The following MYRIP variants were observed in gnomAD, a reference collection of about 807,000 sequenced individuals.
The protein encoded by MYRIP is myosin VIIA and Rab interacting protein, also known as rab effector MyRIP.
A neutral mutation model predicts 98.0 loss-of-function variants in MYRIP; 49 were observed. That is an observed-to-expected ratio of 0.50 (90% CI 0.40 to 0.63). The LOEUF is 0.63. Among genes scored for constraint, MYRIP ranks in the 30% least tolerant of loss-of-function variants. The pLI, the probability that MYRIP is intolerant of heterozygous loss-of-function variation, is 0.00. For synonymous variants in MYRIP, 404 were observed against 409.5 expected, an observed-to-expected ratio of 0.99 and a Z score of 0.16; for missense variants, 1,004 against 1,058.2, an observed-to-expected ratio of 0.95 and a Z score of 0.71.
chr3:40,077,812 G>A (rs1405238877), intron 3 of MYRIP, among the ~76,000 whole-genome samples: 2 of 152,264 alleles, frequency 1.3e-5, no homozygotes, highest in Non-Finnish European at 2.9e-5. Context: ...GGTTCTCCAC[G>A]TCTCCACCAG....
In MYRIP at chr3:39,855,356, A is replaced by T. The variant is rs143314587; in HGVS notation, c.-30-45431A>T. Reference sequence around the variant, plus strand: ...TTGCCCTAAGATGGCCAGGGTAATTATATTGGTATCTCAGGTGATGGGCAA... The same window carrying T: ...TTGCCCTAAGATGGCCAGGGTAATTTTATTGGTATCTCAGGTGATGGGCAA... On this transcript the variant is annotated intron_variant, in intron 1 of 16. Transcript: ENST00000302541. Among the ~76,000 whole-genome samples the T allele has an allele frequency of 9.9e-5, 15 of 152,252 alleles. 1 individual carries two copies. In the East Asian group the frequency reaches 2.5e-3, roughly 26 times the overall value.
chr3:40,258,111 G>A, intron 16 of MYRIP, 23 bp from the exon 17 acceptor site: 1 of 1,614,106 alleles, frequency 6.2e-7, no homozygotes, highest in Non-Finnish European at 8.5e-7. Context: ...GCTGATGGGA[G>A]TGTGTTCAAT....
chr3:40,070,964 A>G (rs1948212996), intron 3 of MYRIP, among the ~76,000 whole-genome samples: 1 of 152,204 alleles, frequency 6.6e-6, no homozygotes. Flanking sequence ...ACCTTAAAGC[A>G]CAAACCAACA....
chr3:39,974,096 A>T (rs1945676763), intron 2 of MYRIP, among the ~76,000 whole-genome samples: 1 of 150,988 alleles, frequency 6.6e-6, no homozygotes, highest in Non-Finnish European at 1.5e-5. Context: ...CTATAAAAAA[A>T]TCAATGAATC....
At chr3:40,214,345 G>A (rs947593458) in intron 11 of MYRIP, among the ~76,000 whole-genome samples, 2 of 152,172 alleles carry the variant, frequency 1.3e-5, no homozygotes, top group African/African-American at 4.8e-5. Context: ...ATGTGGATAT[G>A]CCCGTAGACA....
chr3:40,167,921 C>A (rs1214104876), intron 7 of MYRIP, among the ~76,000 whole-genome samples: 1 of 152,178 alleles, frequency 6.6e-6, no homozygotes, highest in Non-Finnish European at 1.5e-5. Flanking sequence ...CTGTGAACAT[C>A]ACTCCCCCAA....
At chr3:40,098,740 T>TTGTGTGTGTGTGTGTGTGTGTGTG (rs3063561) in intron 3 of MYRIP, among the ~76,000 whole-genome samples, 35 of 135,280 alleles carry the variant, frequency 2.6e-4, no homozygotes, top group Middle Eastern at 4.1e-3. Context: ...GTCTCTCTCA[T>TTGTGTGTGTGTGTGTGTGTGTGTG]TGTGTGTGTG....
intron 10 of MYRIP, among the ~76,000 whole-genome samples, chr3:40,206,070 G>C (rs2679809): frequency 1.3e-5 from 2 of 151,982 alleles, no homozygotes; most frequent in African/African-American, 4.8e-5. Context: ...AAAAGTGTGC[G>C]TGCATACCAA....
chr3:39,809,425 C>A (rs1203246564), upstream of MYRIP, among the ~76,000 whole-genome samples: 7 of 148,030 alleles, frequency 4.7e-5, no homozygotes, highest in Non-Finnish European at 9.0e-5. Flanking sequence ...GCCCGCGCGC[C>A]CGAGGTGCTC....
intron 2 of MYRIP, among the ~76,000 whole-genome samples, chr3:39,973,987 A>G (rs894844628): frequency 2.6e-5 from 4 of 152,190 alleles, no homozygotes; most frequent in African/African-American, 9.6e-5. Flanking sequence ...CACAATTAAA[A>G]GAACTAGAGA....
intron 2 of MYRIP, among the ~76,000 whole-genome samples, chr3:40,012,960 A>G (rs1390430914): frequency 6.6e-6 from 1 of 152,134 alleles, no homozygotes; most frequent in Admixed American, 6.5e-5. Flanking sequence ...TCACACCTGC[A>G]TTCCACTCCT....
intron 2 of MYRIP, among the ~76,000 whole-genome samples, chr3:40,027,929 A>T (rs895989887): frequency 2.0e-5 from 3 of 152,112 alleles, no homozygotes; most frequent in Non-Finnish European, 4.4e-5. Flanking sequence ...AAACATCTTC[A>T]CTTACAGGAA....
chr3:40,246,955 C>G (rs1953225968), intron 13 of MYRIP, among the ~76,000 whole-genome samples: 1 of 152,062 alleles, frequency 6.6e-6, no homozygotes, highest in South Asian at 2.1e-4. Flanking sequence ...AATGGCTGAA[C>G]AGCAATTCTC....
intron 2 of MYRIP, among the ~76,000 whole-genome samples, chr3:39,988,833 A>G (rs1237881780): frequency 4.7e-5 from 7 of 150,504 alleles, no homozygotes; most frequent in African/African-American, 1.7e-4. Context: ...TGCGTCATGA[A>G]GTTCTTGTGC....
chr3:39,820,153 G>A (rs989527183), intron 1 of MYRIP, among the ~76,000 whole-genome samples: 1 of 152,198 alleles, frequency 6.6e-6, no homozygotes, highest in African/African-American at 2.4e-5. Context: ...AGGTGCCCAT[G>A]ACCTCGGGAT....
chr3:40,100,250 G>A (rs922100582), intron 3 of MYRIP: 109 of 985,098 alleles, frequency 1.1e-4, no homozygotes, highest in Admixed American at 7.4e-4. Context: ...CACCAGTTAC[G>A]GTAATTTTAA....
At chr3:40,064,549 G>A (rs1575507628) in intron 3 of MYRIP, among the ~76,000 whole-genome samples, 1 of 152,138 alleles carries the variant, frequency 6.6e-6, no homozygotes, top group African/African-American at 2.4e-5. Context: ...GGTAATTAGG[G>A]GGAAAATGTC....
chr3:39,963,512 T>G (rs142620666), intron 2 of MYRIP, among the ~76,000 whole-genome samples: 39 of 152,266 alleles, frequency 2.6e-4, no homozygotes, highest in African/African-American at 8.4e-4. Flanking sequence ...GATGCAGAGA[T>G]GAATGAAATA....
intron 4 of MYRIP, among the ~76,000 whole-genome samples, chr3:40,156,322 T>A (rs1175389071): frequency 1.3e-5 from 2 of 152,198 alleles, no homozygotes; most frequent in Non-Finnish European, 2.9e-5. Flanking sequence ...GCATTATTTC[T>A]GAGGGCTCTG....
Sources: allele counts gnomAD v4.1 joint callset (sites outside exome capture counted in the v4.1 genomes callset), GRCh38; gene constraint gnomAD v4.1.1; transcripts MANE v1.5; gene names NCBI Gene and HGNC (gene_info 2026-07-23, HGNC 2026-07-21).